ATP6V0A4: variants seen among roughly 807,000 people sequenced by gnomAD.
ATP6V0A4 encodes the protein ATPase H+ transporting V0 subunit a4, also known as V-type proton ATPase 116 kDa subunit a 4.
A neutral mutation model predicts 107.3 loss-of-function variants in ATP6V0A4; 86 were observed. That is an observed-to-expected ratio of 0.80 (90% CI 0.67 to 0.96). The LOEUF (loss-of-function observed/expected upper bound fraction) is 0.96. Ranked by LOEUF, ATP6V0A4 falls within the 40% of genes least tolerant of loss-of-function variation. ATP6V0A4 has a pLI of 0.00. For missense variants in ATP6V0A4, 908 were observed against 1,045.6 expected, an observed-to-expected ratio of 0.87 and a Z score of 1.81; for synonymous variants, 353 against 381.4, an observed-to-expected ratio of 0.93 and a Z score of 0.87.
intron 18 of ATP6V0A4, among the ~76,000 whole-genome samples, chr7:138,724,025 CAAAAAAA>C (rs202234657): frequency 5.2e-4 from 68 of 131,752 alleles, no homozygotes; most frequent in Admixed American, 7.7e-4. Flanking sequence ...TCCCATCTCT[CAAAAAAA>C]AAAAAAAAAA....
At position 138,771,533 on chromosome 7, in the gene ATP6V0A4, C is replaced by T. The variant is rs56728038; in HGVS notation, c.-17-269G>A. Among the ~76,000 whole-genome samples the T allele has an allele frequency of 0.023, 3,433 of 151,986 alleles. 250 individuals carry two copies. In the East Asian group the frequency reaches 0.26, roughly 11 times the overall value. On this transcript the variant is annotated intron_variant, in intron 2 of 21. Coordinates refer to ENST00000310018, the MANE Select transcript of ATP6V0A4 (RefSeq NM_020632.3). ...CCACCCATCTCAGCCTCCTGAATAG[C>T]GGGGACTACAGGTGTGCACCAGGAT...
rs1285265441 is a variant in ATP6V0A4, at chr7:138,752,853, C to T, written c.817-16G>A. On this transcript the variant is annotated splice_polypyrimidine_tract_variant and intron_variant, in intron 10 of 21. Transcript: ENST00000310018. ...GTGTTATGACCTATACAAAAAACAA[C>T]ACACAGGAAAACAGAGAACCTTCAC... 4 of 1,613,032 alleles carry T rather than the reference C, an allele frequency of 2.5e-6. No homozygotes were observed. In the East Asian group the frequency reaches 8.9e-5, roughly 36 times the overall value.
chr7:138,768,860 C>A lies in ATP6V0A4; in HGVS notation c.211G>T (p.Glu71Ter). The change falls in exon 5 of 22, where the codon GAG becomes TAG. Residue 71 changes from glutamate (E) to a stop codon, truncating the protein, a stop_gained. Coordinates refer to ENST00000310018, the MANE Select transcript of ATP6V0A4 (RefSeq NM_020632.3). LOFTEE classifies it high-confidence loss of function. ...TGAACTACAATCTCATTTTGCATCT[C>A]GTCTTCCAGAAAACCTGAAGAATGA... ...LERILRFLED[E>*]MQNEIVVQLL... 1 of 1,614,166 alleles carries A rather than the reference C, an allele frequency of 6.2e-7. No homozygotes were observed. Among genetic ancestry groups the A allele is most frequent in the South Asian group, 1.1e-5 (1 of 91,080 alleles).
chr7:138,725,963 C>A (rs964765621), intron 18 of ATP6V0A4, among the ~76,000 whole-genome samples: 10 of 151,622 alleles, frequency 6.6e-5, no homozygotes, highest in African/African-American at 1.9e-4. Flanking sequence ...CCATAAAAAA[C>A]GCACATGTTG....
chr7:138,791,964 G>GT (rs1225318377), intron 1 of ATP6V0A4, among the ~76,000 whole-genome samples: 2 of 152,132 alleles, frequency 1.3e-5, no homozygotes, highest in Non-Finnish European at 2.9e-5. Context: ...GACTTATTGA[G>GT]TTAAAAACTA....
chr7:138,730,166 G>A (rs1039401855), intron 17 of ATP6V0A4, among the ~76,000 whole-genome samples: 1 of 152,206 alleles, frequency 6.6e-6, no homozygotes, highest in Admixed American at 6.5e-5. Flanking sequence ...TTACAGGCAT[G>A]AGCCGCCGCG....
At chr7:138,758,899 C>G (rs1002813996) in intron 8 of ATP6V0A4, among the ~76,000 whole-genome samples, 1 of 150,498 alleles carries the variant, frequency 6.6e-6, no homozygotes, top group African/African-American at 2.4e-5. Flanking sequence ...TACAGGTGTG[C>G]GCCACCACTC....
chr7:138,794,539 C>A (rs1000974754), intron 1 of ATP6V0A4, among the ~76,000 whole-genome samples: 6 of 152,076 alleles, frequency 3.9e-5, no homozygotes, highest in Non-Finnish European at 4.4e-5. Flanking sequence ...CAGTAAGAGC[C>A]CTGGAATCCC....
chr7:138,755,585 C>A (rs1178352975), intron 10 of ATP6V0A4, 104 bp downstream of exon 10: 1 of 1,503,460 alleles, frequency 6.7e-7, no homozygotes, highest in Admixed American at 1.8e-5. Flanking sequence ...AGCATTCCAG[C>A]CAGCCTCCCA....
intron 11 of ATP6V0A4, among the ~76,000 whole-genome samples, chr7:138,750,420 G>T (rs1485404859): frequency 1.3e-5 from 2 of 152,028 alleles, no homozygotes; most frequent in Non-Finnish European, 2.9e-5. Context: ...TACACAGGCT[G>T]GTCTTGAACT....
intron 14 of ATP6V0A4, among the ~76,000 whole-genome samples, chr7:138,743,859 C>G (rs1290310141): frequency 6.6e-6 from 1 of 152,118 alleles, no homozygotes; most frequent in East Asian, 1.9e-4. Context: ...TGCACGTAGC[C>G]TAAGATCACC....
intron 19 of ATP6V0A4, among the ~76,000 whole-genome samples, chr7:138,717,909 G>GAAAAA (rs55813379): frequency 3.4e-4 from 24 of 70,874 alleles, no homozygotes; most frequent in East Asian, 9.7e-4. Flanking sequence ...CTCTGTCTCG[G>GAAAAA]AAAAAAAAAA....
At chr7:138,736,819 C>T (rs1478403089) in intron 15 of ATP6V0A4, among the ~76,000 whole-genome samples, 2 of 151,938 alleles carry the variant, frequency 1.3e-5, no homozygotes, top group African/African-American at 2.4e-5. Flanking sequence ...GATCCGCATG[C>T]CTTGGCCTCC....
chr7:138,715,265 G>A (rs1425812282), intron 20 of ATP6V0A4, among the ~76,000 whole-genome samples: 1 of 152,166 alleles, frequency 6.6e-6, no homozygotes, highest in African/African-American at 2.4e-5. Flanking sequence ...GCAGTGATGT[G>A]ATCTCGGCTC....
intron 2 of ATP6V0A4, among the ~76,000 whole-genome samples, chr7:138,775,119 G>A (rs987726994): frequency 6.6e-6 from 1 of 151,636 alleles, no homozygotes; most frequent in Non-Finnish European, 1.5e-5. Flanking sequence ...GCCTTAGAAG[G>A]TACCCCAGAA....
chr7:138,750,001 T>C (rs367253), intron 11 of ATP6V0A4, among the ~76,000 whole-genome samples: 69,409 of 152,000 alleles, frequency 0.46, 16,205 homozygotes, highest in East Asian at 0.55. Context: ...ATCTAACACC[T>C]AGATTGCTCA....
intron 16 of ATP6V0A4, among the ~76,000 whole-genome samples, chr7:138,733,603 G>C (rs1259117552): frequency 5.6e-5 from 7 of 124,562 alleles, no homozygotes; most frequent in African/African-American, 2.2e-4. Flanking sequence ...TTTTGAGATG[G>C]AGTCTTACTC....
intron 2 of ATP6V0A4, among the ~76,000 whole-genome samples, chr7:138,775,673 C>G (rs1393245651): frequency 8.2e-6 from 1 of 121,962 alleles, no homozygotes; most frequent in Non-Finnish European, 1.6e-5. Context: ...TTTTTTGAGA[C>G]AGTCTCTCGC....
At chr7:138,718,581 G>GGGAGGAATGGGGA (rs773485126) in intron 19 of ATP6V0A4, among the ~76,000 whole-genome samples, 1 of 99,486 alleles carries the variant, frequency 1.0e-5, no homozygotes, top group Non-Finnish European at 2.1e-5. Context: ...GAGAGGCATG[G>GGGAGGAATGGGGA]GGCGGAATGG....
Sources: gnomAD v4.1 joint callset for allele counts (sites outside exome capture counted in the v4.1 genomes callset) on GRCh38, gnomAD v4.1.1 for gene constraint, MANE v1.5 for transcripts, NCBI Gene and HGNC (gene_info 2026-07-23, HGNC 2026-07-21) for gene names.